Variants in FBXO11 observed in about 807,000 individuals in gnomAD.
FBXO11 encodes the protein F-box protein 11, also known as F-box only protein 11.
A neutral mutation model predicts 117.0 loss-of-function variants in FBXO11; 13 were observed. That is an observed-to-expected ratio of 0.11 (90% confidence interval 0.07 to 0.18). The LOEUF (loss-of-function observed/expected upper bound fraction) is 0.18, where lower values mean the gene tolerates loss of function less well. FBXO11 is among the 10% of genes least tolerant of loss of function. The pLI is 1.00. For missense variants in FBXO11, 767 were observed against 1,164.4 expected (o/e 0.66, Z 4.97); for synonymous variants, 490 against 380.5 (o/e 1.29, Z -3.35).
At position 47,860,988 on chromosome 2, in the gene FBXO11, A is replaced by G. The variant is rs146364826; in HGVS notation, c.233-21219T>C. ...CAGCCTCTGGAGTAGCTGGGTTTGC[A>G]TTTTTAGTAAAGTCACTACGTCCAG... On this transcript the variant is annotated intron_variant, in intron 1 of 22. Transcript: ENST00000403359. 2.5e-4 allele frequency among the ~76,000 whole-genome samples: 38 copies of G among 151,608 alleles called. No homozygotes were observed. The East Asian group carries it at 7.4e-3, about 30-fold the overall frequency.
rs1308896715 is a variant in FBXO11 at position 47,905,708 on chromosome 2, G to C, written c.13C>G (p.Arg5Gly). Residue 5 changes from arginine (R) to glycine (G), a missense_variant, in exon 1 of 23, where the codon CGA (arginine) becomes GGA (glycine). By Grantham distance (125) the Arg-to-Gly change is moderately radical. Around this residue, in one of 10 missense-constraint regions of FBXO11, gnomAD observed 355 missense variants for 299.8 expected, o/e 1.18. Transcript: ENST00000403359. ...CGCCTGGGTCTCCGGTTGGCGGCTC[G>C]GACGGAGTTCATTTGCCGGGCTGAG... MNSV[R>G]AANRRPRRVS... 1.3e-6 allele frequency: 2 copies of C among 1,522,848 alleles called. No individual in the cohort carries two copies. Among genetic ancestry groups the C allele is most frequent in the East Asian group, 2.7e-5 (1 of 37,432 alleles). The allele number at this position is 1,522,848 out of a possible 1,614,324, so 94.3% of individuals were successfully genotyped here. A position where few individuals can be genotyped will look rare whatever the true frequency, so the allele number is the denominator to read the frequency against.
At chr2:47,843,961 G>A (rs747923056) in intron 1 of FBXO11, among the ~76,000 whole-genome samples, 21 of 151,966 alleles carry the variant, frequency 1.4e-4, no homozygotes, top group Non-Finnish European at 2.2e-4. Flanking sequence ...GGATGGTCTC[G>A]AACTCCTGAC....
rs1670808531 is a variant in FBXO11 at position 47,813,872 on chromosome 2, A to C, written c.2007-5T>G. 6.2e-7 allele frequency: 1 copy of C among 1,605,184 alleles called. No individual in the cohort carries two copies. The highest frequency in any genetic ancestry group is 8.5e-7 in the Non-Finnish European group (1 of 1,172,098). On this transcript the variant is annotated splice_polypyrimidine_tract_variant and splice_region_variant and intron_variant, in intron 16 of 22. Coordinates refer to ENST00000403359, the MANE Select transcript of FBXO11 (RefSeq NM_001190274.2). ...ATTTTGGGGTTGCTTCCAGTCCTGT[A>C]AACAGAATAGACAATAATACCATTT...
At chr2:47,852,549 CA>C (rs1182148196) in intron 1 of FBXO11, among the ~76,000 whole-genome samples, 1 of 152,086 alleles carries the variant, frequency 6.6e-6, no homozygotes, top group African/African-American at 2.4e-5. Context: ...TAAATGGTAG[CA>C]AAATAATTTT....
At chr2:47,811,951 C>T (rs138075664) in intron 18 of FBXO11, among the ~76,000 whole-genome samples, 3 of 151,948 alleles carry the variant, frequency 2.0e-5, no homozygotes, top group African/African-American at 7.3e-5. Context: ...ACCCCCTGCC[C>T]CCCCAACCTT....
chr2:47,892,810 A>G (rs553839064), intron 1 of FBXO11, among the ~76,000 whole-genome samples: 2 of 152,344 alleles, frequency 1.3e-5, no homozygotes, highest in South Asian at 2.1e-4. Context: ...ATACCACAAA[A>G]GCAAGATTAA....
chr2:47,807,027 A>G lies in FBXO11; in HGVS notation c.*1091T>C. On this transcript the variant is annotated 3_prime_UTR_variant, in exon 23 of 23. Transcript: ENST00000403359. ...CTACCTTCTACATAATGGTTATTGA[A>G]TACTCCACAATATATTAAGTCTAGA... 1.6e-6 allele frequency: 1 copy of G among 634,372 alleles called. No homozygotes were observed. The highest frequency in any genetic ancestry group is 1.9e-5 in the South Asian group (1 of 53,578). The allele number at this position is 634,372 out of a possible 1,614,324, so 39.3% of individuals were successfully genotyped here.
chr2:47,900,437 C>T (rs1678022200), intron 1 of FBXO11, among the ~76,000 whole-genome samples: 1 of 151,946 alleles, frequency 6.6e-6, no homozygotes, highest in Non-Finnish European at 1.5e-5. Flanking sequence ...TAGAACAATG[C>T]CACAGAAAGT....
chr2:47,863,891 A>T (rs1447443345), intron 1 of FBXO11, among the ~76,000 whole-genome samples: 1 of 151,886 alleles, frequency 6.6e-6, no homozygotes, highest in Non-Finnish European at 1.5e-5. Flanking sequence ...CAGTGAGCCA[A>T]GATTGTGCCA....
chr2:47,811,225 CTG>C (rs1239875689), intron 18 of FBXO11: 37 of 152,216 alleles, frequency 2.4e-4, no homozygotes, highest in Admixed American at 2.4e-3. Context: ...TGCATATACA[CTG>C]TTGCTTTTTA....
intron 1 of FBXO11, among the ~76,000 whole-genome samples, chr2:47,849,631 G>T (rs1233646780): frequency 6.6e-6 from 1 of 152,182 alleles, no homozygotes; most frequent in Non-Finnish European, 1.5e-5. Context: ...TGCTGATAAG[G>T]TTAAGCAGAA....
intron 1 of FBXO11, among the ~76,000 whole-genome samples, chr2:47,871,367 CAGCCCCAGTCAAGACTTCAAATGACTAT>C (rs1479807533): frequency 1.3e-5 from 2 of 152,202 alleles, no homozygotes; most frequent in Non-Finnish European, 2.9e-5. Flanking sequence ...GCACATACTC[CAGCCCCAGTCAAGACTTCAAATGACTAT>C]AGCCCTGGCC....
At position 47,823,748 on chromosome 2, in the gene FBXO11, C is replaced by A. The variant is rs143570564; in HGVS notation, c.1399-388G>T. On this transcript the variant is annotated intron_variant, in intron 11 of 22. Coordinates refer to ENST00000403359, the MANE Select transcript of FBXO11 (RefSeq NM_001190274.2). ...AGCCTGGGTGACAAGAGCAAAACTCCGTCTCAAAAAAAATTAAAAAAAAAG... is the reference window on the plus strand; with the variant it reads ...AGCCTGGGTGACAAGAGCAAAACTCAGTCTCAAAAAAAATTAAAAAAAAAG... 2.4e-3 allele frequency among the ~76,000 whole-genome samples: 358 copies of A among 150,938 alleles called. 2 individuals carry two copies. Among genetic ancestry groups the A allele is most frequent in the Non-Finnish European group, 4.0e-3 (268 of 67,806 alleles).
intron 1 of FBXO11, among the ~76,000 whole-genome samples, chr2:47,846,676 T>C (rs2881863): frequency 0.054 from 8,254 of 152,244 alleles, 246 homozygotes; most frequent in Non-Finnish European, 0.068. Flanking sequence ...ACATATGTAA[T>C]TTAGCTGCAT....
At chr2:47,813,155 G>C (rs1423793941) in intron 18 of FBXO11, 79 bp downstream of exon 18, 7 of 1,355,732 alleles carry the variant, frequency 5.2e-6, no homozygotes, top group Non-Finnish European at 7.4e-6. Context: ...AACTTAGTTA[G>C]CAATGTCATT....
rs755924054 is a variant in FBXO11 at position 47,905,598 on chromosome 2, GGGCGGCTGCTGCTGGGGCGGCTGCGGC to G, written c.96_122del (p.Pro33_Pro41del). 1.2e-4 allele frequency: 158 copies of G among 1,294,078 alleles called. 1 individual carries two copies. The highest frequency in any genetic ancestry group is 5.2e-4 in the South Asian group (22 of 42,342). The allele number at this position is 1,294,078 out of a possible 1,614,324, so 80.2% of individuals were successfully genotyped here. A position where few individuals can be genotyped will look rare whatever the true frequency, so the allele number is the denominator to read the frequency against. On this transcript the variant is annotated inframe_deletion, in exon 1 of 23. Coordinates refer to ENST00000403359, the MANE Select transcript of FBXO11 (RefSeq NM_001190274.2). The stretch of plus-strand genomic sequence containing the variant: ...GCGGCGGCGGCGGAGGCTGCTGCTG[GGGCGGCTGCTGCTGGGGCGGCTGCGGC>G]GGCGGCTGCTGCGGGGGCTGCTGCT...
At chr2:47,834,181 C>G (rs933915687) in intron 7 of FBXO11, among the ~76,000 whole-genome samples, 3 of 152,100 alleles carry the variant, frequency 2.0e-5, no homozygotes, top group African/African-American at 7.2e-5. Context: ...GAAACCCTAT[C>G]TCTGCTAAAA....
intron 1 of FBXO11, among the ~76,000 whole-genome samples, chr2:47,888,437 C>T (rs888003427): frequency 1.3e-5 from 2 of 152,054 alleles, no homozygotes; most frequent in Non-Finnish European, 2.9e-5. Flanking sequence ...ACTAAGCTGA[C>T]ACCAAAAAAG....
intron 1 of FBXO11, among the ~76,000 whole-genome samples, chr2:47,876,997 A>G (rs867451182): frequency 4.6e-4 from 69 of 150,980 alleles, no homozygotes; most frequent in Middle Eastern, 3.4e-3. Flanking sequence ...TTCATTGACC[A>G]TGTTCAGTCT....
Sources: gnomAD v4.1 joint callset for allele counts (sites outside exome capture counted in the v4.1 genomes callset) on GRCh38, gnomAD v4.1.1 for gene constraint, gnomAD v4.1.1 regional missense constraint, MANE v1.5 for transcripts, NCBI Gene and HGNC (gene_info 2026-07-23, HGNC 2026-07-21) for gene names.